FAM171B: variants seen among roughly 807,000 people sequenced by gnomAD.
FAM171B encodes the protein protein FAM171B.
In FAM171B, 19 loss-of-function variants were observed where a neutral mutation model predicts 75.6. The ratio of observed to expected loss-of-function variants is 0.25; its 90% CI spans 0.18 to 0.37. The LOEUF (loss-of-function observed/expected upper bound fraction) is 0.37, where lower values mean the gene tolerates loss of function less well. Ranked by LOEUF, FAM171B falls within the 10% of genes least tolerant of loss-of-function variation. FAM171B has a pLI of 1.00. For missense variants in FAM171B, 848 were observed against 982.4 expected (o/e 0.86, Z 1.83); for synonymous variants, 367 against 361.7 (o/e 1.01, Z -0.17).
At chr2:186,732,689 G>A (rs984225153) in intron 1 of FAM171B, among the ~76,000 whole-genome samples, 13 of 152,164 alleles carry the variant, frequency 8.5e-5, no homozygotes, top group Non-Finnish European at 1.6e-4. Flanking sequence ...TTCTTCCTGC[G>A]GAGTGGGCTG....
chr2:186,703,206 A>G (rs1198521882), intron 1 of FAM171B, among the ~76,000 whole-genome samples: 2 of 151,992 alleles, frequency 1.3e-5, no homozygotes, highest in African/African-American at 2.4e-5. Context: ...CAGCCTCCCA[A>G]GTAGCTGGGA....
chr2:186,724,569 C>T (rs1207873080), intron 1 of FAM171B, among the ~76,000 whole-genome samples: 1 of 152,066 alleles, frequency 6.6e-6, no homozygotes, highest in Non-Finnish European at 1.5e-5. Context: ...CATTTGATTC[C>T]TTTTGGTGAA....
At chr2:186,735,527 G>A (rs569937827) in intron 1 of FAM171B, among the ~76,000 whole-genome samples, 5 of 152,242 alleles carry the variant, frequency 3.3e-5, no homozygotes, top group East Asian at 3.9e-4. Context: ...CTCCTAACCC[G>A]ATGATCTCAT....
intron 1 of FAM171B, among the ~76,000 whole-genome samples, chr2:186,701,975 A>G (rs1021325548): frequency 1.3e-5 from 2 of 152,220 alleles, no homozygotes; most frequent in African/African-American, 4.8e-5. Context: ...AAGTTGCCTT[A>G]GCTAGGAAAT....
intron 2 of FAM171B, 142 bp downstream of exon 2, chr2:186,740,603 T>C: frequency 1.5e-6 from 1 of 688,078 alleles, no homozygotes; most frequent in Non-Finnish European, 2.4e-6. Flanking sequence ...GGAGTGCTAC[T>C]TTGAAGAAAA....
chr2:186,717,998 A>G (rs1240665036), intron 1 of FAM171B, among the ~76,000 whole-genome samples: 1 of 152,154 alleles, frequency 6.6e-6, no homozygotes, highest in Admixed American at 6.5e-5. Context: ...TTATAAATAA[A>G]TGAATATTAT....
At position 186,740,283 on chromosome 2, in the gene FAM171B, G is replaced by T. The variant is rs1465884282; in HGVS notation, c.294G>T (p.Leu98=). The change falls in exon 2 of 8, where the codon CTG becomes CTT. Residue 98 remains leucine, a synonymous_variant. Coordinates refer to ENST00000304698, the MANE Select transcript of FAM171B (RefSeq NM_177454.4). ...QVNDIISRQY[L]SQAVVEVFVN... ...ATGACATCATCAGTCGTCAGTACCT[G>T]AGCCAAGCAGTTGTAGAAGTGTTTG... 5 of 1,614,026 alleles carry T rather than the reference G, an allele frequency of 3.1e-6. No individual in the cohort carries two copies. Among genetic ancestry groups the T allele is most frequent in the Non-Finnish European group, 4.2e-6 (5 of 1,179,942 alleles).
intron 1 of FAM171B, among the ~76,000 whole-genome samples, chr2:186,714,941 T>A (rs1301370537): frequency 6.6e-6 from 1 of 152,200 alleles, no homozygotes; most frequent in African/African-American, 2.4e-5. Flanking sequence ...TTTGTGTTAT[T>A]CTCTCAGGCT....
intron 1 of FAM171B, among the ~76,000 whole-genome samples, chr2:186,717,707 T>C (rs1689893713): frequency 6.6e-6 from 1 of 152,140 alleles, no homozygotes; most frequent in African/African-American, 2.4e-5. Context: ...TTCTGCTTGC[T>C]AAGGTGAAGA....
chr2:186,728,921 AAT>A (rs1690073152), intron 1 of FAM171B, among the ~76,000 whole-genome samples: 3 of 152,162 alleles, frequency 2.0e-5, no homozygotes, highest in Admixed American at 2.0e-4. Context: ...ATGTCACCCA[AAT>A]ATATATAGTT....
At chr2:186,718,970 C>T (rs1269508716) in intron 1 of FAM171B, among the ~76,000 whole-genome samples, 1 of 152,202 alleles carries the variant, frequency 6.6e-6, no homozygotes, top group East Asian at 1.9e-4. Context: ...TAGACTGTGT[C>T]TCATTCATGC....
intron 1 of FAM171B, among the ~76,000 whole-genome samples, chr2:186,736,036 C>T (rs747380145): frequency 2.0e-5 from 3 of 152,110 alleles, no homozygotes; most frequent in African/African-American, 4.8e-5. Flanking sequence ...CTCTGTATCA[C>T]CTTGGAATCT....
intron 1 of FAM171B, among the ~76,000 whole-genome samples, chr2:186,710,930 C>G (rs1456681927): frequency 1.3e-5 from 2 of 151,946 alleles, no homozygotes; most frequent in Admixed American, 6.6e-5. Context: ...CCAACTGAAG[C>G]TTACTTATAT....
intron 1 of FAM171B, among the ~76,000 whole-genome samples, chr2:186,701,434 T>G (rs1357689254): frequency 6.6e-6 from 1 of 152,184 alleles, no homozygotes; most frequent in African/African-American, 2.4e-5. Context: ...ATGCTGTACC[T>G]TAGGTCTTTA....
intron 1 of FAM171B, among the ~76,000 whole-genome samples, chr2:186,719,210 C>T (rs761674732): frequency 1.1e-4 from 17 of 152,222 alleles, no homozygotes; most frequent in Non-Finnish European, 2.4e-4. Flanking sequence ...GTCTCATCTA[C>T]TTAAATGAAA....
chr2:186,722,827 T>A (rs538523599), intron 1 of FAM171B, among the ~76,000 whole-genome samples: 1 of 152,278 alleles, frequency 6.6e-6, no homozygotes, highest in East Asian at 1.9e-4. Flanking sequence ...ATGAGTTCAG[T>A]CTTACCCCAT....
intron 1 of FAM171B, among the ~76,000 whole-genome samples, chr2:186,701,211 G>C (rs1689655547): frequency 6.6e-6 from 1 of 152,014 alleles, no homozygotes; most frequent in South Asian, 2.1e-4. Flanking sequence ...GTGAGCTACT[G>C]CACCTGGCTA....
At chr2:186,719,473 C>T (rs1420991448) in intron 1 of FAM171B, among the ~76,000 whole-genome samples, 1 of 152,156 alleles carries the variant, frequency 6.6e-6, no homozygotes, top group East Asian at 1.9e-4. Flanking sequence ...ACTGTTGTTG[C>T]TCTCTATCAG....
At chr2:186,704,608 G>A (rs1689709615) in intron 1 of FAM171B, among the ~76,000 whole-genome samples, 1 of 152,140 alleles carries the variant, frequency 6.6e-6, no homozygotes, top group South Asian at 2.1e-4. Flanking sequence ...AAAACTGTTA[G>A]TTAAAGATAA....
Sources: gnomAD v4.1 joint callset for allele counts (sites outside exome capture counted in the v4.1 genomes callset) on GRCh38, gnomAD v4.1.1 for gene constraint, MANE v1.5 for transcripts, NCBI Gene and HGNC (gene_info 2026-07-23, HGNC 2026-07-21) for gene names.